Variants in EBPL observed in about 807,000 individuals in gnomAD.
EBPL encodes emopamil-binding protein-like.
In EBPL, 20 loss-of-function variants were observed where a neutral mutation model predicts 19.0. The observed-to-expected ratio is 1.05, with a 90% CI of 0.74 to 1.53. The LOEUF (loss-of-function observed/expected upper bound fraction) is 1.53, where lower values mean the gene tolerates loss of function less well. Among genes scored for constraint, EBPL ranks in the 40% most tolerant of loss-of-function variants. The probability of loss-of-function intolerance (pLI) is 0.00; values close to 1 mark genes in which losing one functional copy is unlikely to be tolerated. For missense variants in EBPL, 219 were observed against 261.1 expected (o/e 0.84, Z 1.11); for synonymous variants, 107 against 117.0 (o/e 0.91, Z 0.55).
chr13:49,683,409 T>C (rs1290510905), intron 1 of EBPL, among the ~76,000 whole-genome samples: 1 of 151,982 alleles, frequency 6.6e-6, no homozygotes, highest in Non-Finnish European at 1.5e-5. Context: ...GGCACCTGTA[T>C]AGTCCCAGCT....
At chr13:49,679,681 T>C (rs1363629528) in intron 1 of EBPL, among the ~76,000 whole-genome samples, 1 of 152,082 alleles carries the variant, frequency 6.6e-6, no homozygotes, top group African/African-American at 2.4e-5. Flanking sequence ...TTTCTTTTTT[T>C]AATTGTAGAG....
At chr13:49,688,176 CCCA>C (rs1954019299) in intron 1 of EBPL, among the ~76,000 whole-genome samples, 1 of 152,092 alleles carries the variant, frequency 6.6e-6, no homozygotes, top group South Asian at 2.1e-4. Flanking sequence ...GAATGGTGAC[CCCA>C]CCATTTCCTT....
At chr13:49,679,114 C>T (rs1302878635) in intron 1 of EBPL, among the ~76,000 whole-genome samples, 1 of 151,980 alleles carries the variant, frequency 6.6e-6, no homozygotes. Context: ...TGCCAGGCAC[C>T]AAAATTATCT....
At chr13:49,690,967 C>T (rs981273773) in intron 1 of EBPL, among the ~76,000 whole-genome samples, 3 of 152,146 alleles carry the variant, frequency 2.0e-5, no homozygotes, top group African/African-American at 7.2e-5. Flanking sequence ...GTTACAAAGC[C>T]GAGGAAGCTG....
chr13:49,663,716 T>C (rs1295848833), intron 2 of EBPL, among the ~76,000 whole-genome samples: 2 of 151,212 alleles, frequency 1.3e-5, no homozygotes, highest in African/African-American at 4.9e-5. Context: ...GGCGGGCAGA[T>C]CACGAGGTCA....
chr13:49,663,191 T>C lies in EBPL; in HGVS notation c.246A>G (p.Lys82=), dbSNP rs372070210. The stretch of plus-strand genomic sequence containing the variant: ...ATCTTGCATCAGCTTTGCCATATTC[T>C]TTCCCTAAAGACAAAATCCATGTTG... ...NSDGLIASLW[K]EYGKADARWV... Residue 82 remains lysine, a synonymous_variant, in exon 3 of 4, where the codon AAA becomes AAG. Coordinates refer to ENST00000242827, the MANE Select transcript of EBPL (RefSeq NM_032565.5). 3 of 1,613,688 alleles carry C rather than the reference T, an allele frequency of 1.9e-6. No homozygotes were observed. In the African/African-American group the frequency reaches 4.0e-5, roughly 22 times the overall value.
At chr13:49,688,279 C>T (rs1392377364) in intron 1 of EBPL, among the ~76,000 whole-genome samples, 2 of 152,130 alleles carry the variant, frequency 1.3e-5, no homozygotes, top group Non-Finnish European at 2.9e-5. Context: ...GAACTGATGA[C>T]CAGTGCTGGG....
chr13:49,661,744 G>C, intron 3 of EBPL: 4 of 1,470,664 alleles, frequency 2.7e-6, no homozygotes, highest in Non-Finnish European at 3.6e-6. Flanking sequence ...AATACGTCAA[G>C]GTACCAAGGA....
intron 2 of EBPL, among the ~76,000 whole-genome samples, chr13:49,667,995 G>A (rs1299387393): frequency 1.3e-5 from 2 of 152,150 alleles, no homozygotes; most frequent in African/African-American, 4.8e-5. Context: ...CTCAGGCTGG[G>A]GTCCGTCAGC....
At chr13:49,686,438 CT>C in intron 1 of EBPL, 3 of 1,277,052 alleles carry the variant, frequency 2.3e-6, no homozygotes, top group Non-Finnish European at 3.0e-6. Context: ...ATCAATCCCA[CT>C]CTCACCATTG....
At chr13:49,685,078 G>C (rs1012489418) in intron 1 of EBPL, among the ~76,000 whole-genome samples, 1 of 150,552 alleles carries the variant, frequency 6.6e-6, no homozygotes, top group Admixed American at 6.7e-5. Flanking sequence ...GCTAATTTTT[G>C]TACGCACCTG....
At chr13:49,661,950 GGGA>G (rs1965156376) in intron 3 of EBPL, 2 of 1,537,910 alleles carry the variant, frequency 1.3e-6, no homozygotes, top group Admixed American at 3.9e-5. Context: ...AAGGAAGGAA[GGGA>G]GGAGAGTTTA....
At chr13:49,683,315 A>C (rs932864535) in intron 1 of EBPL, among the ~76,000 whole-genome samples, 4 of 151,924 alleles carry the variant, frequency 2.6e-5, no homozygotes, top group African/African-American at 9.7e-5. Flanking sequence ...TCATGAGGTC[A>C]GGAGATGGAG....
At chr13:49,662,834 T>C (rs569384916) in intron 3 of EBPL, among the ~76,000 whole-genome samples, 211 of 152,154 alleles carry the variant, frequency 1.4e-3, no homozygotes, top group African/African-American at 4.6e-3. Flanking sequence ...CAGGGTCTCA[T>C]TGTATTGCCT....
chr13:49,680,337 G>A (rs902081003), intron 1 of EBPL, among the ~76,000 whole-genome samples: 1 of 152,108 alleles, frequency 6.6e-6, no homozygotes, highest in Non-Finnish European at 1.5e-5. Flanking sequence ...GTACATAAAC[G>A]TAAAGTGACA....
chr13:49,676,601 AAAATAAAT>A (rs3990329), intron 1 of EBPL, among the ~76,000 whole-genome samples: 375 of 148,946 alleles, frequency 2.5e-3, no homozygotes, highest in Middle Eastern at 3.5e-3. Flanking sequence ...CAAAAAAAAT[AAAATAAAT>A]AAATAAATAA....
chr13:49,670,843 G>C (rs964085413), intron 1 of EBPL, among the ~76,000 whole-genome samples: 2 of 152,156 alleles, frequency 1.3e-5, no homozygotes, highest in Non-Finnish European at 2.9e-5. Flanking sequence ...CCACGAAAGA[G>C]TATGACAGCC....
Position 49,691,293 on chromosome 13 carries a change from G to A in EBPL, c.132C>T (p.Leu44=). The part of the protein sequence containing the change: ...RGQGAADRGA[L]IWLCYDALVH... ...CCAGCGCGTCGTAGCAGAGCCAGAT[G>A]AGCGCCCCGCGGTCCGCCGCCCCCT... is the stretch of plus-strand genomic sequence containing the variant. The change falls in exon 1 of 4, where the codon CTC becomes CTT. Residue 44 remains leucine (L), a synonymous_variant. Transcript: ENST00000242827. The A allele has an allele frequency of 7.2e-7, 1 of 1,387,994 alleles. No homozygotes were observed. Among genetic ancestry groups the A allele is most frequent in the Non-Finnish European group, 9.4e-7 (1 of 1,065,450 alleles). 86.0% of individuals were successfully genotyped at this position (1,387,994 alleles called of 1,614,324 possible).
intron 1 of EBPL, among the ~76,000 whole-genome samples, chr13:49,683,388 G>A (rs1953962826): frequency 6.6e-6 from 1 of 152,034 alleles, no homozygotes; most frequent in African/African-American, 2.4e-5. Context: ...AATTAGCTGG[G>A]CATGGGGGCA....
Sources: gnomAD v4.1 joint callset for allele counts (sites outside exome capture counted in the v4.1 genomes callset) on GRCh38, gnomAD v4.1.1 for gene constraint, MANE v1.5 for transcripts, NCBI Gene and HGNC (gene_info 2026-07-23, HGNC 2026-07-21) for gene names.